WDFY4: variants seen among roughly 807,000 people sequenced by gnomAD.
WDFY4 encodes WDFY family member 4.
WDFY4 carries 169 observed loss-of-function variants against 351.9 expected under a neutral mutation model. The ratio of observed to expected loss-of-function variants is 0.48; its 90% CI spans 0.42 to 0.55. WDFY4 has a LOEUF of 0.55. Among genes scored for constraint, WDFY4 ranks in the 20% least tolerant of loss-of-function variants. The pLI is 0.00. For missense variants in WDFY4, 3,803 were observed against 3,935.6 expected (o/e 0.97, Z 0.90); for synonymous variants, 1,622 against 1,574.6 (o/e 1.03, Z -0.71).
chr10:48,807,849 T>A lies in WDFY4; in HGVS notation c.4739-10T>A. 2 of 1,551,378 alleles carry A rather than the reference T, an allele frequency of 1.3e-6. 1 individual carries two copies. Among genetic ancestry groups the A allele is most frequent in the South Asian group, 2.4e-5 (2 of 84,042 alleles). On this transcript the variant is annotated splice_polypyrimidine_tract_variant and intron_variant, in intron 27 of 61. Transcript: ENST00000325239. ...TCCATTTTCTCTCAAATCTGAATTCTTTTTTGTAGCTGGAAGCCAAACATC... is the reference window on the plus strand; with the variant it reads ...TCCATTTTCTCTCAAATCTGAATTCATTTTTGTAGCTGGAAGCCAAACATC...
intron 30 of WDFY4, among the ~76,000 whole-genome samples, chr10:48,812,526 C>T (rs1201414259): frequency 1.3e-5 from 2 of 152,120 alleles, no homozygotes; most frequent in Non-Finnish European, 2.9e-5. Flanking sequence ...TTTTCCTTTT[C>T]TACCAACCCG....
At chr10:48,952,438 G>A (rs191557979) in intron 51 of WDFY4, among the ~76,000 whole-genome samples, 92 of 152,312 alleles carry the variant, frequency 6.0e-4, no homozygotes, top group East Asian at 4.6e-3. Context: ...CTCCAACACC[G>A]TCTGGTTTTT....
intron 58 of WDFY4, 95 bp from the exon 59 acceptor site, chr10:48,976,702 G>T: frequency 8.7e-7 from 1 of 1,153,342 alleles, no homozygotes; most frequent in African/African-American, 1.6e-5. Flanking sequence ...ATGACAGATT[G>T]AGAGTACTTG....
intron 44 of WDFY4, 139 bp downstream of exon 44, chr10:48,890,866 GA>G: frequency 7.9e-7 from 1 of 1,261,082 alleles, no homozygotes; most frequent in South Asian, 1.5e-5. Context: ...AGATAAAACA[GA>G]AGGACCTGCA....
intron 4 of WDFY4, among the ~76,000 whole-genome samples, chr10:48,721,879 C>T (rs1038789013): frequency 6.6e-6 from 1 of 152,164 alleles, no homozygotes; most frequent in East Asian, 1.9e-4. Flanking sequence ...TTTATTTCTT[C>T]CTGTTAGAGT....
chr10:48,843,801 G>A (rs1035335612), intron 39 of WDFY4, among the ~76,000 whole-genome samples: 4 of 152,212 alleles, frequency 2.6e-5, no homozygotes, highest in East Asian at 1.9e-4. Context: ...GGGGGGAAAG[G>A]TATCACCATC....
intron 10 of WDFY4, among the ~76,000 whole-genome samples, chr10:48,734,890 C>T (rs2064599665): frequency 6.6e-6 from 1 of 151,718 alleles, no homozygotes; most frequent in Non-Finnish European, 1.5e-5. Context: ...ATTTACCTGC[C>T]TCAACCTCCC....
Position 48,731,293 on chromosome 10 carries a change from C to T in WDFY4, c.1313C>T (p.Pro438Leu). ...ATCTCGCAGTTTGTAGAGATCATGC[C>T]CCTGAAGCCGGCCCCAGTGCAGGAA... ...QPISQFVEIM[P>L]LKPAPVQEHF... Residue 438 changes from proline (P) to leucine (L), a missense_variant, in exon 9 of 62, where the codon CCC (proline) becomes CTC (leucine). Physicochemically the swap from Pro to Leu is moderately conservative, Grantham distance 98. Transcript: ENST00000325239. The T allele has an allele frequency of 1.3e-6, 2 of 1,551,904 alleles. No homozygotes were observed. Among genetic ancestry groups the T allele is most frequent in the Non-Finnish European group, 8.7e-7 (1 of 1,147,032 alleles).
At chr10:48,906,408 C>T (rs1198128621) in intron 47 of WDFY4, among the ~76,000 whole-genome samples, 1 of 152,144 alleles carries the variant, frequency 6.6e-6, no homozygotes, top group Non-Finnish European at 1.5e-5. Flanking sequence ...GCCTGAATTC[C>T]AAGTAGAAAA....
chr10:48,879,893 A>C (rs1302670928), intron 43 of WDFY4, among the ~76,000 whole-genome samples: 1 of 151,848 alleles, frequency 6.6e-6, no homozygotes, highest in African/African-American at 2.4e-5. Context: ...CGCTCCCCCA[A>C]CACCACCTCT....
intron 12 of WDFY4, 110 bp from the exon 13 acceptor site, chr10:48,760,237 C>A: frequency 3.1e-6 from 3 of 964,074 alleles, no homozygotes; most frequent in Non-Finnish European, 4.7e-6. Flanking sequence ...GGTAATAAGA[C>A]AGGATGTGTA....
intron 10 of WDFY4, 41 bp from the exon 11 acceptor site, chr10:48,735,839 T>C (rs2064641744): frequency 2.7e-6 from 4 of 1,471,842 alleles, no homozygotes; most frequent in East Asian, 5.0e-5. Flanking sequence ...GTGGCAAGCT[T>C]CCCCCTTGCC....
Position 48,775,897 on chromosome 10 carries a change from G to C in WDFY4, c.2863+91G>C. On this transcript the variant is annotated intron_variant, in intron 15 of 61. Transcript: ENST00000325239. ...GGGATCCTTTACAACAGGTGGGAAA[G>C]CAAACAGGTTTAAACATGGTTTTGT... The C allele has an allele frequency of 3.3e-6, 4 of 1,220,394 alleles. No homozygotes were observed. In the South Asian group the frequency reaches 5.3e-5, roughly 16 times the overall value. 75.6% of individuals were successfully genotyped at this position (1,220,394 alleles called of 1,614,324 possible).
intron 47 of WDFY4, among the ~76,000 whole-genome samples, chr10:48,937,342 AT>A (rs1238576840): frequency 1.3e-5 from 2 of 152,180 alleles, no homozygotes; most frequent in African/African-American, 4.8e-5. Flanking sequence ...CATTTCATAC[AT>A]TTGGATGAAG....
chr10:48,783,390 A>AT (rs1212764196), intron 19 of WDFY4, among the ~76,000 whole-genome samples: 1 of 151,958 alleles, frequency 6.6e-6, no homozygotes, highest in Non-Finnish European at 1.5e-5. Flanking sequence ...TTTCCTGAAT[A>AT]TTTTTGAGCC....
intron 47 of WDFY4, among the ~76,000 whole-genome samples, chr10:48,931,053 G>GA (rs974611227): frequency 2.0e-5 from 3 of 150,046 alleles, no homozygotes; most frequent in East Asian, 3.9e-4. Context: ...TTTCTAACCA[G>GA]AAAAAAAAGG....
intron 47 of WDFY4, among the ~76,000 whole-genome samples, chr10:48,935,925 T>C (rs1349934987): frequency 2.0e-5 from 3 of 152,070 alleles, no homozygotes; most frequent in African/African-American, 7.2e-5. Flanking sequence ...AGTTTTTTTC[T>C]TACATTAAAT....
At chr10:48,742,045 CT>C (rs368371297) in intron 11 of WDFY4, among the ~76,000 whole-genome samples, 21 of 152,302 alleles carry the variant, frequency 1.4e-4, no homozygotes, top group Non-Finnish European at 2.1e-4. Flanking sequence ...GTAGCCCCCC[CT>C]CCCTCTCTCT....
chr10:48,906,593 C>T (rs1012800606), intron 47 of WDFY4, among the ~76,000 whole-genome samples: 2 of 152,106 alleles, frequency 1.3e-5, no homozygotes, highest in East Asian at 3.9e-4. Flanking sequence ...TGTTGAATAC[C>T]GGCAGGATTT....
Sources: gnomAD v4.1 joint callset for allele counts (sites outside exome capture counted in the v4.1 genomes callset) on GRCh38, gnomAD v4.1.1 for gene constraint, MANE v1.5 for transcripts, NCBI Gene and HGNC (gene_info 2026-07-23, HGNC 2026-07-21) for gene names.